NUS1: variants seen among roughly 807,000 people sequenced by gnomAD.
NUS1 encodes the protein dehydrodolichyl diphosphate synthase complex subunit NUS1.
For missense variants in NUS1, 292 were observed against 382.9 expected (o/e 0.76, Z 1.98); for synonymous variants, 135 against 155.2 (o/e 0.87, Z 0.97).
At chr6:117,679,611 T>C (rs539149864) in intron 1 of NUS1, among the ~76,000 whole-genome samples, 1 of 152,314 alleles carries the variant, frequency 6.6e-6, no homozygotes, top group Admixed American at 6.5e-5. Flanking sequence ...TTTCTCCTTA[T>C]GTCTGGTGCC....
chr6:117,695,315 C>T (rs1187145624), intron 3 of NUS1, among the ~76,000 whole-genome samples: 2 of 151,760 alleles, frequency 1.3e-5, no homozygotes, highest in African/African-American at 4.8e-5. Context: ...AGAGCAAAGT[C>T]CATCTCCCAC....
At chr6:117,688,651 A>T (rs904790645) in intron 1 of NUS1, among the ~76,000 whole-genome samples, 6 of 152,132 alleles carry the variant, frequency 3.9e-5, no homozygotes, top group African/African-American at 1.2e-4. Context: ...GTGTTCCGAG[A>T]GCTAGCTTTA....
intron 1 of NUS1, among the ~76,000 whole-genome samples, chr6:117,688,155 A>G (rs966374771): frequency 4.6e-5 from 7 of 152,342 alleles, no homozygotes; most frequent in African/African-American, 1.7e-4. Context: ...TAGAGGCTGG[A>G]GGCTGCAGTC....
At chr6:117,694,285 C>T in intron 3 of NUS1, 105 bp downstream of exon 3, 1 of 576,982 alleles carries the variant, frequency 1.7e-6, no homozygotes, top group Non-Finnish European at 2.7e-6. Flanking sequence ...TTGTTTCTTT[C>T]ACACCATAAA....
Position 117,675,705 on chromosome 6 carries a change from T to C in NUS1, c.35T>C (p.Leu12Pro), listed in dbSNP as rs1459946325. 57 of 1,508,260 alleles carry C rather than the reference T, an allele frequency of 3.8e-5. No homozygotes were observed. Among genetic ancestry groups the C allele is most frequent in the African/African-American group, 6.9e-5 (5 of 72,926 alleles). The allele number at this position is 1,508,260 out of a possible 1,614,324, so 93.4% of individuals were successfully genotyped here. ...CTGTACGAGCTGGTGTGGCGGGTGCTGCACGCGCTGCTCTGTCTGCACCGC... is the reference window on the plus strand; with the variant it reads ...CTGTACGAGCTGGTGTGGCGGGTGCCGCACGCGCTGCTCTGTCTGCACCGC... Reference protein sequence around the residue: ...TGLYELVWRVLHALLCLHRTL... With the variant: ...TGLYELVWRVPHALLCLHRTL... The change falls in exon 1 of 5, where the codon CTG (leucine) becomes CCG (proline). Residue 12 changes from leucine to proline, a missense_variant. Physicochemically the swap from Leu to Pro is moderately conservative, Grantham distance 98. Coordinates refer to ENST00000368494, the MANE Select transcript of NUS1 (RefSeq NM_138459.5).
Position 117,707,006 on chromosome 6 carries a change from G to C in NUS1, c.873G>C (p.Leu291=). The C allele has an allele frequency of 6.2e-7, 1 of 1,612,168 alleles. No homozygotes were observed. Residue 291 remains leucine (L), a synonymous_variant, in exon 5 of 5, where the codon CTG becomes CTC. Coordinates refer to ENST00000368494, the MANE Select transcript of NUS1 (RefSeq NM_138459.5). ...LRQYAACEQR[L]GK ...AATATGCAGCCTGTGAACAGCGTCT[G>C]GGAAAGTAGTGGTCATTGGTTGCAT...
chr6:117,693,453 C>A (rs1773271265), intron 2 of NUS1, among the ~76,000 whole-genome samples: 1 of 152,060 alleles, frequency 6.6e-6, no homozygotes, highest in Admixed American at 6.5e-5. Context: ...AATAGAGGTA[C>A]AACTGGTTGT....
chr6:117,677,615 G>A (rs1376506044), intron 1 of NUS1, among the ~76,000 whole-genome samples: 2 of 152,232 alleles, frequency 1.3e-5, no homozygotes, highest in Non-Finnish European at 2.9e-5. Flanking sequence ...GCATAGGCCA[G>A]ACAGTAACGC....
At chr6:117,691,558 G>GATATATATATATATATAT (rs60775803) in intron 1 of NUS1, among the ~76,000 whole-genome samples, 133 of 136,926 alleles carry the variant, frequency 9.7e-4, no homozygotes, top group South Asian at 1.9e-3. Flanking sequence ...CATAGATATA[G>GATATATATATATATATAT]ATATATATAT....
Position 117,708,928 on chromosome 6 carries a change from A to G in NUS1, c.*1913A>G, listed in dbSNP as rs1292385434. On this transcript the variant is annotated 3_prime_UTR_variant, in exon 5 of 5. Transcript: ENST00000368494. Reference sequence around the variant, plus strand: ...AGTCAAATAAATTACCTACTGGAATATAGCCCAAGCCAGTAAAGGTTTAAT... The same window carrying G: ...AGTCAAATAAATTACCTACTGGAATGTAGCCCAAGCCAGTAAAGGTTTAAT... The G allele has an allele frequency of 6.6e-6, 1 of 152,166 alleles. No individual in the cohort carries two copies. The highest frequency in any genetic ancestry group is 2.4e-5 in the African/African-American group (1 of 41,456). 9.4% of individuals were successfully genotyped at this position (152,166 alleles called of 1,614,324 possible).
At chr6:117,680,174 T>G (rs771986686) in intron 1 of NUS1, among the ~76,000 whole-genome samples, 1 of 152,240 alleles carries the variant, frequency 6.6e-6, no homozygotes, top group Non-Finnish European at 1.5e-5. Flanking sequence ...AGTAATTCTT[T>G]CATCTTTCAA....
chr6:117,695,193 C>CAAAAAAAAAAAAAAAAA (rs58136219), intron 3 of NUS1, among the ~76,000 whole-genome samples: 20 of 55,234 alleles, frequency 3.6e-4, no homozygotes, highest in Non-Finnish European at 4.7e-4. Context: ...GACCCTGTCT[C>CAAAAAAAAAAAAAAAAA]AAAAAAAAAA....
chr6:117,705,026 G>A (rs1170073942), intron 4 of NUS1, among the ~76,000 whole-genome samples: 1 of 152,124 alleles, frequency 6.6e-6, no homozygotes, highest in Non-Finnish European at 1.5e-5. Context: ...GTATGAAGGG[G>A]TCTTTTAAGC....
chr6:117,685,683 G>C (rs969604349), intron 1 of NUS1, among the ~76,000 whole-genome samples: 4 of 152,030 alleles, frequency 2.6e-5, no homozygotes, highest in African/African-American at 9.7e-5. Context: ...ATTTCATATA[G>C]TTTACATTTG....
In NUS1 at chr6:117,707,802, T is replaced by C. The variant is rs1773521882; in HGVS notation, c.*787T>C. On this transcript the variant is annotated 3_prime_UTR_variant, in exon 5 of 5. Transcript: ENST00000368494. ...ACATTGAAATGCAGACTTAAAAATTTAAACATTGGATTAGGCAGTCAAAAA... is the reference window on the plus strand; with the variant it reads ...ACATTGAAATGCAGACTTAAAAATTCAAACATTGGATTAGGCAGTCAAAAA... 1 of 152,598 alleles carries C rather than the reference T, an allele frequency of 6.6e-6. No homozygotes were observed. The highest frequency in any genetic ancestry group is 6.6e-5 in the Admixed American group (1 of 15,258). 9.5% of individuals were successfully genotyped at this position (152,598 alleles called of 1,614,324 possible).
chr6:117,705,000 A>C (rs1053379590), intron 4 of NUS1, among the ~76,000 whole-genome samples: 2 of 152,140 alleles, frequency 1.3e-5, no homozygotes, highest in African/African-American at 4.8e-5. Flanking sequence ...GAGAATATAG[A>C]GTATCTCTCC....
rs1031405800 is a variant in NUS1 at position 117,692,973 on chromosome 6, T to C, written c.416-69T>C. On this transcript the variant is annotated intron_variant, in intron 1 of 4. Coordinates refer to ENST00000368494, the MANE Select transcript of NUS1 (RefSeq NM_138459.5). Reference sequence around the variant, plus strand: ...AGTTCTGGATCTAGTGTTGTTTTCATAGCAAGCATTCACTTGAAGAGGAAA... The same window carrying C: ...AGTTCTGGATCTAGTGTTGTTTTCACAGCAAGCATTCACTTGAAGAGGAAA... 19 of 1,294,754 alleles carry C rather than the reference T, an allele frequency of 1.5e-5. No homozygotes were observed. In the African/African-American group the frequency reaches 1.8e-4, roughly 12 times the overall value. 80.2% of individuals were successfully genotyped at this position (1,294,754 alleles called of 1,614,324 possible).
chr6:117,676,226 A>G, intron 1 of NUS1, 141 bp downstream of exon 1: 1 of 1,300,822 alleles, frequency 7.7e-7, no homozygotes, highest in Non-Finnish European at 1.0e-6. Flanking sequence ...AAGGGAGATC[A>G]GCTTTATTGA....
Position 117,675,704 on chromosome 6 carries a change from C to T in NUS1, c.34C>T (p.Leu12=). The change falls in exon 1 of 5, where the codon CTG becomes TTG. Residue 12 remains leucine, a synonymous_variant. Coordinates refer to ENST00000368494, the MANE Select transcript of NUS1 (RefSeq NM_138459.5). ...GCTGTACGAGCTGGTGTGGCGGGTG[C>T]TGCACGCGCTGCTCTGTCTGCACCG... is the stretch of plus-strand genomic sequence containing the variant. ...TGLYELVWRV[L]HALLCLHRTL... 2.0e-6 allele frequency: 3 copies of T among 1,501,668 alleles called. No individual in the cohort carries two copies. Among genetic ancestry groups the T allele is most frequent in the Non-Finnish European group, 2.7e-6 (3 of 1,119,312 alleles). 93.0% of individuals were successfully genotyped at this position (1,501,668 alleles called of 1,614,324 possible).
Sources: gnomAD v4.1 joint callset for allele counts (sites outside exome capture counted in the v4.1 genomes callset) on GRCh38, gnomAD v4.1.1 for gene constraint, MANE v1.5 for transcripts, NCBI Gene and HGNC (gene_info 2026-07-23, HGNC 2026-07-21) for gene names.